Variants in CCDC91 observed in about 807,000 individuals in gnomAD.
CCDC91 encodes the protein coiled-coil domain-containing protein 91.
A neutral mutation model predicts 63.2 loss-of-function variants in CCDC91; 48 were observed. That is an observed-to-expected ratio of 0.76 (90% CI 0.60 to 0.97). CCDC91 has a LOEUF of 0.97. CCDC91 is among the 50% of genes least tolerant of loss of function. The pLI is 0.00. For synonymous variants in CCDC91, 167 were observed against 165.8 expected (o/e 1.01, Z -0.06); for missense variants, 500 against 494.6 (o/e 1.01, Z -0.10).
intron 1 of CCDC91, among the ~76,000 whole-genome samples, chr12:28,209,177 CTA>C (rs1299080422): frequency 6.6e-6 from 1 of 152,170 alleles, no homozygotes; most frequent in Non-Finnish European, 1.5e-5. Context: ...CATTAGTCTA[CTA>C]TTAATGTCAA....
At chr12:28,342,816 G>A (rs1164072819) in intron 6 of CCDC91, among the ~76,000 whole-genome samples, 2 of 152,180 alleles carry the variant, frequency 1.3e-5, no homozygotes, top group African/African-American at 2.4e-5. Flanking sequence ...TATGTGGAAA[G>A]GCATTTCTGT....
intron 3 of CCDC91, among the ~76,000 whole-genome samples, chr12:28,265,981 A>G (rs1947158861): frequency 6.6e-6 from 1 of 152,200 alleles, no homozygotes; most frequent in South Asian, 2.1e-4. Flanking sequence ...TTATTTGAAT[A>G]GAAATTTGTC....
chr12:28,201,005 A>AC (rs539906740), intron 1 of CCDC91, among the ~76,000 whole-genome samples: 21,485 of 112,742 alleles, frequency 0.19, 2,710 homozygotes, highest in Non-Finnish European at 0.26. Flanking sequence ...CGGGGGGCTG[A>AC]CCCCCCCACC....
At chr12:28,396,690 G>T (rs886083959) in intron 8 of CCDC91, among the ~76,000 whole-genome samples, 3 of 151,590 alleles carry the variant, frequency 2.0e-5, no homozygotes, top group Non-Finnish European at 4.4e-5. Flanking sequence ...GGGCATGTGT[G>T]TGTGTGTTTG....
At chr12:28,314,334 T>C (rs1337768697) in intron 6 of CCDC91, among the ~76,000 whole-genome samples, 1 of 152,032 alleles carries the variant, frequency 6.6e-6, no homozygotes, top group Non-Finnish European at 1.5e-5. Flanking sequence ...CAGTAGATAT[T>C]AATCTAAATT....
chr12:28,334,149 A>T (rs1941742115), intron 6 of CCDC91, among the ~76,000 whole-genome samples: 1 of 152,004 alleles, frequency 6.6e-6, no homozygotes, highest in African/African-American at 2.4e-5. Context: ...TTAGAAGTCT[A>T]ACAGCTTGAG....
chr12:28,252,431 C>T (rs910069735), intron 1 of CCDC91, among the ~76,000 whole-genome samples: 1 of 151,830 alleles, frequency 6.6e-6, no homozygotes, highest in African/African-American at 2.4e-5. Flanking sequence ...TAGGCTGGAT[C>T]TTGTAACTTT....
In CCDC91 at chr12:28,375,412, A is replaced by T. The variant is rs11049561; in HGVS notation, c.654+12897A>T. Among the ~76,000 whole-genome samples, 302 of 151,966 alleles carry T rather than the reference A, an allele frequency of 2.0e-3. 11 individuals carry two copies. The East Asian group carries it at 0.053, about 26-fold the overall frequency. ...TATTTCAGTCTTCTTAGAAATATCC[A>T]CTTCGGAATAAAAGATTGTGGCCCA... On this transcript the variant is annotated intron_variant, in intron 7 of 12. Transcript: ENST00000536442.
chr12:28,424,290 A>C (rs1043059968), intron 8 of CCDC91, among the ~76,000 whole-genome samples: 3 of 152,140 alleles, frequency 2.0e-5, no homozygotes, highest in African/African-American at 7.2e-5. Context: ...TTCCAAATTG[A>C]AGAATCCATT....
chr12:28,274,967 G>A (rs1948093669), intron 3 of CCDC91, among the ~76,000 whole-genome samples: 1 of 151,982 alleles, frequency 6.6e-6, no homozygotes, highest in African/African-American at 2.4e-5. Context: ...CACATTCAAA[G>A]CAGTGTGTAG....
intron 12 of CCDC91, among the ~76,000 whole-genome samples, chr12:28,490,574 A>T (rs1951946738): frequency 1.3e-5 from 2 of 151,908 alleles, no homozygotes. Context: ...CAACTAGGTC[A>T]CAAATTTATC....
Position 28,331,216 on chromosome 12 carries a change from C to T in CCDC91, c.576+23467C>T, listed in dbSNP as rs186674875. Among the ~76,000 whole-genome samples the T allele has an allele frequency of 4.6e-5, 7 of 152,266 alleles. No individual in the cohort carries two copies. The East Asian group carries it at 1.2e-3, about 25-fold the overall frequency. ...TAATAAAAACGGATGGAACTACAGG[C>T]TAAATACTACTTTCTAGCCCCACAG... is the stretch of plus-strand genomic sequence containing the variant. On this transcript the variant is annotated intron_variant, in intron 6 of 12. Transcript: ENST00000536442.
chr12:28,409,129 A>T (rs1392921039), intron 8 of CCDC91, among the ~76,000 whole-genome samples: 1 of 152,166 alleles, frequency 6.6e-6, no homozygotes, highest in Non-Finnish European at 1.5e-5. Flanking sequence ...TACAATGTTT[A>T]AATAGAAAGA....
At chr12:28,364,175 C>T (rs1235171319) in intron 7 of CCDC91, among the ~76,000 whole-genome samples, 2 of 151,764 alleles carry the variant, frequency 1.3e-5, no homozygotes, top group African/African-American at 2.4e-5. Flanking sequence ...CACCTGAGGT[C>T]GGGGGTTCCA....
Position 28,358,771 on chromosome 12 carries a change from A to G in CCDC91, c.577-3667A>G, listed in dbSNP as rs79378178. ...GGTCAGGAAAAGTCTCTCTAGTAAGATAATTTTTGAGCATGATGTAGAGGA... is the reference window on the plus strand; with the variant it reads ...GGTCAGGAAAAGTCTCTCTAGTAAGGTAATTTTTGAGCATGATGTAGAGGA... On this transcript the variant is annotated intron_variant, in intron 6 of 12. Transcript: ENST00000536442. Among the ~76,000 whole-genome samples, 1,137 of 152,320 alleles carry G rather than the reference A, an allele frequency of 7.5e-3. 19 individuals carry two copies. Among genetic ancestry groups the G allele is most frequent in the African/African-American group, 0.026 (1,091 of 41,578 alleles).
At chr12:28,363,876 GAAAAAAAAAAAAA>G (rs34997286) in intron 7 of CCDC91, among the ~76,000 whole-genome samples, 1 of 52,560 alleles carries the variant, frequency 1.9e-5, no homozygotes, top group Non-Finnish European at 3.2e-5. Flanking sequence ...GGCTCCATCT[GAAAAAAAAAAAAA>G]AAAAAAAAAG....
At chr12:28,222,847 T>A (rs989883294) in intron 1 of CCDC91, among the ~76,000 whole-genome samples, 1 of 152,226 alleles carries the variant, frequency 6.6e-6, no homozygotes, top group Non-Finnish European at 1.5e-5. Context: ...TGGCTCTTAG[T>A]ACTTTGGTCT....
At chr12:28,363,322 C>G (rs1240240679) in intron 7 of CCDC91, among the ~76,000 whole-genome samples, 5 of 152,058 alleles carry the variant, frequency 3.3e-5, no homozygotes, top group Non-Finnish European at 7.4e-5. Flanking sequence ...TACTCACTGA[C>G]TTGGAGATAT....
At chr12:28,237,283 G>A (rs576422899) in intron 1 of CCDC91, among the ~76,000 whole-genome samples, 12 of 79,754 alleles carry the variant, frequency 1.5e-4, no homozygotes, top group Admixed American at 9.2e-4. Flanking sequence ...AAAAAAAGTT[G>A]TTGTAGGCAG....
Sources: allele counts gnomAD v4.1 joint callset (sites outside exome capture counted in the v4.1 genomes callset), GRCh38; gene constraint gnomAD v4.1.1; transcripts MANE v1.5; gene names NCBI Gene and HGNC (gene_info 2026-07-23, HGNC 2026-07-21).